NRIP1: variants seen among roughly 807,000 people sequenced by gnomAD.
NRIP1 encodes the protein nuclear receptor-interacting protein 1.
Under a neutral mutation model 75.0 loss-of-function variants are expected in NRIP1, and 28 were observed. The observed-to-expected ratio is 0.37, with a 90% CI of 0.28 to 0.51. The LOEUF is 0.51. NRIP1 is among the 20% of genes least tolerant of loss of function. NRIP1 has a pLI of 0.92. For synonymous variants in NRIP1, 526 were observed against 487.6 expected (o/e 1.08, Z -1.04); for missense variants, 1,435 against 1,343.7 (o/e 1.07, Z -1.06).
intron 1 of NRIP1, among the ~76,000 whole-genome samples, chr21:15,056,143 T>C (rs995108359): frequency 2.6e-5 from 4 of 151,954 alleles, no homozygotes; most frequent in African/African-American, 9.7e-5. Flanking sequence ...GTTTGATAAA[T>C]GGGGGGAGGA....
chr21:15,028,882 C>T (rs899309677), intron 2 of NRIP1, among the ~76,000 whole-genome samples: 9 of 152,114 alleles, frequency 5.9e-5, no homozygotes, highest in African/African-American at 2.2e-4. Flanking sequence ...TCTGACATCC[C>T]CATTTGGAGG....
intron 1 of NRIP1, among the ~76,000 whole-genome samples, chr21:15,057,300 AGTT>A (rs1005402119): frequency 1.3e-5 from 2 of 152,236 alleles, no homozygotes; most frequent in African/African-American, 4.8e-5. Flanking sequence ...GGGAACACTC[AGTT>A]TAAGACCATG....
chr21:15,053,647 C>A (rs1466454224), intron 1 of NRIP1, among the ~76,000 whole-genome samples: 2 of 152,162 alleles, frequency 1.3e-5, no homozygotes, highest in Non-Finnish European at 2.9e-5. Flanking sequence ...TAAGTAAGCA[C>A]TGGAGGAAAG....
intron 3 of NRIP1, among the ~76,000 whole-genome samples, chr21:15,008,518 T>C (rs552354055): frequency 6.6e-6 from 1 of 152,104 alleles, no homozygotes; most frequent in Non-Finnish European, 1.5e-5. Flanking sequence ...AAATGACTTC[T>C]CCTTGAGTAA....
chr21:15,057,140 A>G (rs1464064741), intron 1 of NRIP1, among the ~76,000 whole-genome samples: 1 of 151,716 alleles, frequency 6.6e-6, no homozygotes, highest in Non-Finnish European at 1.5e-5. Context: ...AGTCTTTAAC[A>G]AAATTGTTGT....
At chr21:15,011,971 G>A (rs2147163416) in intron 3 of NRIP1, among the ~76,000 whole-genome samples, 1 of 152,214 alleles carries the variant, frequency 6.6e-6, no homozygotes. Flanking sequence ...TCTTTATTTA[G>A]TTTGCAATAT....
At chr21:14,973,236 G>A (rs2086953410) in intron 3 of NRIP1, among the ~76,000 whole-genome samples, 1 of 150,586 alleles carries the variant, frequency 6.6e-6, no homozygotes. Flanking sequence ...AAGAACCAAA[G>A]GAAGTAAAAA....
At position 14,964,699 on chromosome 21, in the gene NRIP1, T is replaced by C; in HGVS notation, c.*17A>G. 6.6e-7 allele frequency: 1 copy of C among 1,505,042 alleles called. No homozygotes were observed. Among genetic ancestry groups the C allele is most frequent in the South Asian group, 1.4e-5 (1 of 73,064 alleles). 93.2% of individuals were successfully genotyped at this position (1,505,042 alleles called of 1,614,324 possible). ...CATTAGTTTTAAAAAGATCCAAAAC[T>C]GGATGGCAGGTACATTTTATTCTGA... On this transcript the variant is annotated 3_prime_UTR_variant, in exon 4 of 4. Coordinates refer to ENST00000318948, the MANE Select transcript of NRIP1 (RefSeq NM_003489.4).
chr21:14,966,263 A>T lies in NRIP1; in HGVS notation c.1930T>A (p.Ser644Thr), dbSNP rs768224056. The change falls in exon 4 of 4, where the codon TCA becomes ACA. Residue 644 changes from serine to threonine, a missense_variant. Physicochemically the swap from Ser to Thr is moderately conservative, Grantham distance 58. Transcript: ENST00000318948. ...TTGCTGGGTCTCTGCTCTTCCACTG[A>T]CATGGATGACTGCATTCCACATTGT... Reference protein sequence around the residue: ...LAQCGMQSSMSVEEQRPSKQL... With the variant: ...LAQCGMQSSMTVEEQRPSKQL... 1 of 1,614,118 alleles carries T rather than the reference A, an allele frequency of 6.2e-7. No individual in the cohort carries two copies. The highest frequency in any genetic ancestry group is 1.7e-5 in the Admixed American group (1 of 60,008).
intron 2 of NRIP1, among the ~76,000 whole-genome samples, chr21:15,019,427 A>G (rs77802624): frequency 6.7e-6 from 1 of 149,352 alleles, no homozygotes; most frequent in African/African-American, 2.4e-5. Context: ...AATAAAAAAA[A>G]GTTCAGAAAG....
chr21:15,054,422 A>G (rs994045187), intron 1 of NRIP1, among the ~76,000 whole-genome samples: 1 of 152,224 alleles, frequency 6.6e-6, no homozygotes, highest in Non-Finnish European at 1.5e-5. Context: ...GTTTTCTAAT[A>G]TAATTTGCGT....
intron 3 of NRIP1, among the ~76,000 whole-genome samples, chr21:14,988,599 C>G (rs753351997): frequency 6.6e-6 from 1 of 151,660 alleles, no homozygotes; most frequent in Non-Finnish European, 1.5e-5. Context: ...GTAATTAATT[C>G]TTTCACTCAT....
intron 3 of NRIP1, chr21:14,991,241 C>T (rs2087563709): frequency 6.6e-6 from 1 of 150,812 alleles, no homozygotes; most frequent in Admixed American, 6.6e-5. Flanking sequence ...TTCTTATTAA[C>T]AGGACCTGGG....
intron 2 of NRIP1, among the ~76,000 whole-genome samples, chr21:15,042,345 T>C (rs1249686274): frequency 6.6e-6 from 1 of 152,188 alleles, no homozygotes; most frequent in African/African-American, 2.4e-5. Context: ...AAACACAAGA[T>C]ACAGAGGAGG....
intron 1 of NRIP1, among the ~76,000 whole-genome samples, chr21:15,046,955 G>A (rs1003213719): frequency 6.6e-6 from 1 of 152,148 alleles, no homozygotes; most frequent in African/African-American, 2.4e-5. Context: ...TCTGGATTAG[G>A]TTTTGGCTTA....
At chr21:15,022,592 C>T (rs2088405129) in intron 2 of NRIP1, among the ~76,000 whole-genome samples, 2 of 152,188 alleles carry the variant, frequency 1.3e-5, no homozygotes, top group Admixed American at 1.3e-4. Context: ...ACTGCCACTT[C>T]TCTCATTATT....
Position 14,968,037 on chromosome 21 carries a change from G to A in NRIP1, c.156C>T (p.Asn52=), listed in dbSNP as rs2086806391. 5.6e-6 allele frequency: 9 copies of A among 1,614,062 alleles called. No individual in the cohort carries two copies. The highest frequency in any genetic ancestry group is 7.6e-6 in the Non-Finnish European group (9 of 1,179,988). ...AGHNEEDQNF[N]ISGSAFPTCQ... ...AGGTGGGAAATGCACTGCCAGAAAT[G>A]TTAAAGTTCTGATCCTCTTCATTAT... The change falls in exon 4 of 4, where the codon AAC becomes AAT. Residue 52 remains asparagine, a synonymous_variant. Coordinates refer to ENST00000318948, the MANE Select transcript of NRIP1 (RefSeq NM_003489.4).
intron 3 of NRIP1, among the ~76,000 whole-genome samples, chr21:14,985,779 C>T (rs1039454509): frequency 1.3e-5 from 2 of 152,026 alleles, no homozygotes; most frequent in African/African-American, 4.8e-5. Flanking sequence ...AATACCAGTT[C>T]CATCAAGCTT....
chr21:14,968,298 T>A lies in NRIP1; in HGVS notation c.-106A>T. ...AATAAAGGAGTATCAGTTTATCACC[T>A]TCCATCGCAATCAGAGAGAGACGTA... On this transcript the variant is annotated 5_prime_UTR_variant, in exon 4 of 4. It adds an upstream start codon to the 5' untranslated region. Transcript: ENST00000318948. 1 of 719,190 alleles carries A rather than the reference T, an allele frequency of 1.4e-6. No individual in the cohort carries two copies. Among genetic ancestry groups the A allele is most frequent in the Non-Finnish European group, 2.3e-6 (1 of 428,464 alleles). 44.6% of individuals were successfully genotyped at this position (719,190 alleles called of 1,614,324 possible). A position where few individuals can be genotyped will look rare whatever the true frequency, so the allele number is the denominator to read the frequency against.
Sources: gnomAD v4.1 joint callset for allele counts (sites outside exome capture counted in the v4.1 genomes callset) on GRCh38, gnomAD v4.1.1 for gene constraint, MANE v1.5 for transcripts, NCBI Gene and HGNC (gene_info 2026-07-23, HGNC 2026-07-21) for gene names.